The following EMB variants were observed in gnomAD, a reference collection of about 807,000 sequenced individuals.
EMB encodes the protein embigin.
Under a neutral mutation model 41.4 loss-of-function variants are expected in EMB, and 31 were observed. The observed-to-expected ratio is 0.75, with a 90% CI of 0.56 to 1.01. EMB has a LOEUF of 1.01. Among genes scored for constraint, EMB ranks in the 50% least tolerant of loss-of-function variants. The pLI, the probability that EMB is intolerant of heterozygous loss-of-function variation, is 0.00. For missense variants in EMB, 379 were observed against 388.3 expected (o/e 0.98, Z 0.20); for synonymous variants, 137 against 140.4 (o/e 0.98, Z 0.17).
intron 4 of EMB, among the ~76,000 whole-genome samples, chr5:50,408,671 T>G (rs184502117): frequency 6.6e-6 from 1 of 152,210 alleles, no homozygotes; most frequent in African/African-American, 2.4e-5. Context: ...TTCATCTACA[T>G]GCAGTTGTAA....
chr5:50,441,242 G>A lies in EMB; in HGVS notation c.-91C>T. 1.4e-6 allele frequency: 1 copy of A among 740,422 alleles called. No homozygotes were observed. Among genetic ancestry groups the A allele is most frequent in the Middle Eastern group, 4.5e-4 (1 of 2,246 alleles). The allele number at this position is 740,422 out of a possible 1,614,324, so 45.9% of individuals were successfully genotyped here. On this transcript the variant is annotated 5_prime_UTR_variant, in exon 1 of 9. Coordinates refer to ENST00000303221, the MANE Select transcript of EMB (RefSeq NM_198449.3). ...AGAGTCCCTGCGCACACTCGCAGGT[G>A]GCCCGGCGCTCGCAGCCAGTGCCGC...
At chr5:50,425,495 AG>A (rs904355213) in intron 2 of EMB, among the ~76,000 whole-genome samples, 19 of 147,214 alleles carry the variant, frequency 1.3e-4, no homozygotes, top group African/African-American at 4.5e-4. Flanking sequence ...ATATGCAGAG[AG>A]GAAAAAAACA....
chr5:50,416,773 G>A (rs538547724), intron 2 of EMB, among the ~76,000 whole-genome samples: 1 of 152,160 alleles, frequency 6.6e-6, no homozygotes, highest in South Asian at 2.1e-4. Flanking sequence ...CAAGGAAGAG[G>A]CAACGAAAGA....
At chr5:50,413,846 G>A (rs1445977610) in intron 2 of EMB, among the ~76,000 whole-genome samples, 1 of 152,100 alleles carries the variant, frequency 6.6e-6, no homozygotes, top group Non-Finnish European at 1.5e-5. Context: ...CCAAAGTGAT[G>A]AGCCACCGCA....
intron 1 of EMB, among the ~76,000 whole-genome samples, chr5:50,439,104 A>G (rs1182099679): frequency 1.3e-5 from 2 of 151,690 alleles, no homozygotes; most frequent in Non-Finnish European, 2.9e-5. Flanking sequence ...CCCAAGCCAA[A>G]TGAACCAGAG....
At chr5:50,426,700 A>G (rs1745615649) in intron 2 of EMB, among the ~76,000 whole-genome samples, 1 of 152,206 alleles carries the variant, frequency 6.6e-6, no homozygotes, top group Non-Finnish European at 1.5e-5. Context: ...CTAGACAACA[A>G]TGAATAATGA....
At chr5:50,403,604 A>G in intron 5 of EMB, 150 bp from the exon 6 acceptor site, 1 of 829,774 alleles carries the variant, frequency 1.2e-6, no homozygotes, top group Non-Finnish European at 1.8e-6. Context: ...TCTATAACAG[A>G]CTTAAGTCTT....
intron 1 of EMB, among the ~76,000 whole-genome samples, chr5:50,438,430 A>T (rs1214851134): frequency 6.6e-6 from 1 of 152,218 alleles, no homozygotes; most frequent in African/African-American, 2.4e-5. Context: ...GGGATAGAAG[A>T]ATTAGGGATA....
intron 2 of EMB, among the ~76,000 whole-genome samples, chr5:50,423,781 A>G (rs532898528): frequency 5.1e-4 from 78 of 152,324 alleles, no homozygotes; most frequent in African/African-American, 1.7e-3. Flanking sequence ...TGTTGAGGAC[A>G]GGCCCACGTC....
intron 5 of EMB, among the ~76,000 whole-genome samples, chr5:50,404,200 G>A (rs1443074726): frequency 6.6e-6 from 1 of 151,736 alleles, no homozygotes; most frequent in Non-Finnish European, 1.5e-5. Context: ...TCACTCAACC[G>A]TGCTATTCAA....
At chr5:50,416,638 C>T (rs981812896) in intron 2 of EMB, among the ~76,000 whole-genome samples, 2 of 152,192 alleles carry the variant, frequency 1.3e-5, no homozygotes, top group Non-Finnish European at 2.9e-5. Context: ...ACGACGGATT[C>T]GATGGGACAA....
In EMB at chr5:50,396,975, G is replaced by C. The variant is rs1392451431; in HGVS notation, c.*2298C>G. Reference sequence around the variant, plus strand: ...CTAGATGTTGGGATAATAACAAAAAGACTGCAAAAGGAGAAGATTTACACT... The same window carrying C: ...CTAGATGTTGGGATAATAACAAAAACACTGCAAAAGGAGAAGATTTACACT... On this transcript the variant is annotated 3_prime_UTR_variant, in exon 9 of 9. Coordinates refer to ENST00000303221, the MANE Select transcript of EMB (RefSeq NM_198449.3). 6.6e-6 allele frequency: 1 copy of C among 152,042 alleles called. No homozygotes were observed. The highest frequency in any genetic ancestry group is 1.9e-4 in the East Asian group (1 of 5,174). The allele number at this position is 152,042 out of a possible 1,614,324, so 9.4% of individuals were successfully genotyped here.
At position 50,441,093 on chromosome 5, in the gene EMB, A is replaced by T; in HGVS notation, c.59T>A (p.Leu20His). The change falls in exon 1 of 9, where the codon CTC becomes CAC. Residue 20 changes from leucine to histidine, a missense_variant. By Grantham distance (99) the Leu-to-His change is moderately conservative (BLOSUM62 -3). Coordinates refer to ENST00000303221, the MANE Select transcript of EMB (RefSeq NM_198449.3). ...GCGCGCGGCAGCGAGAAGGCACTGG[A>T]GGAGGAGCAGCCGGGGCGTACGCGC... ...ARARTPRLLL[L>H]QCLLAAARPS... The T allele has an allele frequency of 2.6e-6, 4 of 1,519,816 alleles. No individual in the cohort carries two copies. Among genetic ancestry groups the T allele is most frequent in the South Asian group, 1.2e-5 (1 of 81,266 alleles). 94.1% of individuals were successfully genotyped at this position (1,519,816 alleles called of 1,614,324 possible). A position where few individuals can be genotyped will look rare whatever the true frequency, so the allele number is the denominator to read the frequency against.
At chr5:50,403,045 T>C (rs112400326) in intron 6 of EMB, 133 bp downstream of exon 6, 1 of 790,718 alleles carries the variant, frequency 1.3e-6, no homozygotes, top group Non-Finnish European at 1.9e-6. Context: ...AATAAGAAAA[T>C]GAAGATTTTC....
At chr5:50,434,598 C>T (rs1273978968) in intron 1 of EMB, among the ~76,000 whole-genome samples, 2 of 152,144 alleles carry the variant, frequency 1.3e-5, no homozygotes, top group African/African-American at 4.8e-5. Flanking sequence ...ATCAATGAAA[C>T]AAGGTATCTA....
rs1745907754 is a variant in EMB, at chr5:50,441,273, G to C, written c.-122C>G. ...GCGCTCGCAGCCAGTGCCGCGGGTA[G>C]GACGCTGAAGAAAAGGCGGAATGGG... On this transcript the variant is annotated 5_prime_UTR_variant, in exon 1 of 9. Coordinates refer to ENST00000303221, the MANE Select transcript of EMB (RefSeq NM_198449.3). The C allele has an allele frequency of 1.4e-5, 7 of 508,580 alleles. No homozygotes were observed. The East Asian group carries it at 1.8e-4, about 13-fold the overall frequency. 31.5% of individuals were successfully genotyped at this position (508,580 alleles called of 1,614,324 possible). A position where few individuals can be genotyped will look rare whatever the true frequency, so the allele number is the denominator to read the frequency against.
chr5:50,410,169 G>A (rs1379847696), intron 4 of EMB, among the ~76,000 whole-genome samples: 7 of 152,052 alleles, frequency 4.6e-5, no homozygotes, highest in African/African-American at 9.7e-5. Flanking sequence ...TTAATATGGC[G>A]ACAGATTGCA....
At chr5:50,442,471 G>A (rs566966949), upstream of EMB, among the ~76,000 whole-genome samples, 21 of 152,212 alleles carry the variant, frequency 1.4e-4, no homozygotes, top group African/African-American at 5.1e-4. Flanking sequence ...GTTCAAAAGA[G>A]GCTAGATAGG....
intron 2 of EMB, among the ~76,000 whole-genome samples, chr5:50,424,471 G>A (rs1745578744): frequency 1.3e-5 from 2 of 152,124 alleles, no homozygotes; most frequent in South Asian, 4.1e-4. Context: ...CCAGTAGGAG[G>A]GAGGGAAGAG....
Sources: allele counts gnomAD v4.1 joint callset (sites outside exome capture counted in the v4.1 genomes callset), GRCh38; gene constraint gnomAD v4.1.1; transcripts MANE v1.5; gene names NCBI Gene and HGNC (gene_info 2026-07-23, HGNC 2026-07-21).